Variants in SLC44A3 observed in about 807,000 individuals in gnomAD.
The protein encoded by SLC44A3 is solute carrier family 44 member 3.
Under a neutral mutation model 75.4 loss-of-function variants are expected in SLC44A3, and 74 were observed. That is an observed-to-expected ratio of 0.98 (90% CI 0.81 to 1.19). The LOEUF (loss-of-function observed/expected upper bound fraction) is 1.19. Among genes scored for constraint, SLC44A3 ranks in the 50% most tolerant of loss-of-function variants. SLC44A3 has a pLI of 0.00. For synonymous variants in SLC44A3, 310 were observed against 296.9 expected, an observed-to-expected ratio of 1.04 and a Z score of -0.45; for missense variants, 700 against 778.6, an observed-to-expected ratio of 0.90 and a Z score of 1.20.
At chr1:94,855,730 A>G (rs903166494) in intron 9 of SLC44A3, among the ~76,000 whole-genome samples, 1 of 152,200 alleles carries the variant, frequency 6.6e-6, no homozygotes, top group Non-Finnish European at 1.5e-5. Flanking sequence ...TCAGTTTTTG[A>G]TCTACAGCAC....
At position 94,827,294 on chromosome 1, in the gene SLC44A3, C is replaced by T. The variant is rs562407200; in HGVS notation, c.279-213C>T. ...CAACACTAAATCTGGAGAAATAAAGCTTTGTTAATGTTTTTGGATAGTTTC... is the reference window on the plus strand; with the variant it reads ...CAACACTAAATCTGGAGAAATAAAGTTTTGTTAATGTTTTTGGATAGTTTC... On this transcript the variant is annotated intron_variant, in intron 3 of 14. Coordinates refer to ENST00000271227, the MANE Select transcript of SLC44A3 (RefSeq NM_001114106.3). 11 of 590,736 alleles carry T rather than the reference C, an allele frequency of 1.9e-5. No homozygotes were observed. The East Asian group carries it at 3.2e-4, about 17-fold the overall frequency. 36.6% of individuals were successfully genotyped at this position (590,736 alleles called of 1,614,324 possible). A position where few individuals can be genotyped will look rare whatever the true frequency, so the allele number is the denominator to read the frequency against.
In SLC44A3 at chr1:94,895,094, A is replaced by G. The variant is rs756513057; in HGVS notation, c.*172A>G. 1.4e-4 allele frequency: 81 copies of G among 570,268 alleles called. No individual in the cohort carries two copies. Among genetic ancestry groups the G allele is most frequent in the Non-Finnish European group, 2.3e-4 (73 of 315,926 alleles). 35.3% of individuals were successfully genotyped at this position (570,268 alleles called of 1,614,324 possible). On this transcript the variant is annotated 3_prime_UTR_variant, in exon 15 of 15. Coordinates refer to ENST00000271227, the MANE Select transcript of SLC44A3 (RefSeq NM_001114106.3). Reference sequence around the variant, plus strand: ...TTGTTTGACCAGGTAACAATACTGGAACTATATTAGTTTACCTTTTTTTGT... The same window carrying G: ...TTGTTTGACCAGGTAACAATACTGGGACTATATTAGTTTACCTTTTTTTGT...
At chr1:94,882,179 C>T (rs1669081376) in intron 12 of SLC44A3, among the ~76,000 whole-genome samples, 1 of 152,140 alleles carries the variant, frequency 6.6e-6, no homozygotes. Context: ...GGTATTATCC[C>T]CATTGTACAA....
chr1:94,834,261 C>T (rs1243450854), intron 5 of SLC44A3, among the ~76,000 whole-genome samples: 3 of 152,080 alleles, frequency 2.0e-5, no homozygotes, highest in Non-Finnish European at 4.4e-5. Context: ...ATACCAGCTA[C>T]GTCTGGTATC....
chr1:94,895,067 T>C lies in SLC44A3; in HGVS notation c.*145T>C. ...TATTCTTCCTCATTGTCTTTGTCAT[T>C]ATTGTTTGACCAGGTAACAATACTG... On this transcript the variant is annotated 3_prime_UTR_variant, in exon 15 of 15. Coordinates refer to ENST00000271227, the MANE Select transcript of SLC44A3 (RefSeq NM_001114106.3). 2 of 615,496 alleles carry C rather than the reference T, an allele frequency of 3.2e-6. No individual in the cohort carries two copies. The highest frequency in any genetic ancestry group is 4.7e-5 in the South Asian group (2 of 42,564). 38.1% of individuals were successfully genotyped at this position (615,496 alleles called of 1,614,324 possible).
intron 9 of SLC44A3, among the ~76,000 whole-genome samples, chr1:94,853,979 C>A (rs1312011500): frequency 1.3e-5 from 2 of 151,618 alleles, no homozygotes; most frequent in Non-Finnish European, 2.9e-5. Flanking sequence ...GGAATTCTAT[C>A]TACCTATATC....
intron 9 of SLC44A3, among the ~76,000 whole-genome samples, chr1:94,850,362 G>C (rs1248454226): frequency 6.6e-6 from 1 of 152,194 alleles, no homozygotes; most frequent in Non-Finnish European, 1.5e-5. Context: ...AGGTTGGAAA[G>C]AGCTCAGATG....
intron 12 of SLC44A3, among the ~76,000 whole-genome samples, chr1:94,869,547 G>T (rs1340713632): frequency 1.3e-5 from 2 of 152,190 alleles, no homozygotes. Context: ...GAGGCCTAAG[G>T]TTCAGGAGAT....
At chr1:94,853,341 A>G (rs1415604135) in intron 9 of SLC44A3, among the ~76,000 whole-genome samples, 1 of 152,224 alleles carries the variant, frequency 6.6e-6, no homozygotes. Flanking sequence ...GAGGAAAAGA[A>G]TTGGAAAGAG....
chr1:94,848,010 T>C (rs537243727), intron 9 of SLC44A3, among the ~76,000 whole-genome samples: 148 of 152,172 alleles, frequency 9.7e-4, no homozygotes, highest in African/African-American at 3.3e-3. Context: ...GGGCGGATCA[T>C]GAGGTCATGA....
chr1:94,888,558 G>GCAA (rs1374664091), intron 12 of SLC44A3: 2 of 598,648 alleles, frequency 3.3e-6, no homozygotes, highest in Non-Finnish European at 4.2e-6. Flanking sequence ...CAGCTTTCCA[G>GCAA]CAACAGCTGG....
intron 10 of SLC44A3, among the ~76,000 whole-genome samples, chr1:94,864,034 C>A (rs989549954): frequency 6.6e-6 from 1 of 152,224 alleles, no homozygotes; most frequent in Non-Finnish European, 1.5e-5. Context: ...CATCAGCCCC[C>A]ACTCCTTTGT....
At chr1:94,894,754 G>A (rs1253601967) in intron 14 of SLC44A3, 64 bp from the exon 15 acceptor site, 7 of 1,362,900 alleles carry the variant, frequency 5.1e-6, no homozygotes, top group African/African-American at 2.9e-5. Flanking sequence ...GTTTTCCCTC[G>A]GCCCCTACGT....
chr1:94,836,527 T>C (rs1013033984), intron 5 of SLC44A3, among the ~76,000 whole-genome samples: 1 of 152,212 alleles, frequency 6.6e-6, no homozygotes, highest in Non-Finnish European at 1.5e-5. Flanking sequence ...TTCTGTCTCA[T>C]CCAGTTCACA....
chr1:94,852,633 T>G (rs1019039261), intron 9 of SLC44A3, among the ~76,000 whole-genome samples: 4 of 152,200 alleles, frequency 2.6e-5, no homozygotes, highest in African/African-American at 9.6e-5. Context: ...AATAAAATCT[T>G]GACCTGACTA....
At chr1:94,863,798 G>T (rs1666862656) in intron 10 of SLC44A3, among the ~76,000 whole-genome samples, 2 of 152,074 alleles carry the variant, frequency 1.3e-5, no homozygotes. Context: ...TGCAGCCATT[G>T]CCAACTCTTG....
At chr1:94,884,236 T>C (rs2101631723) in intron 12 of SLC44A3, among the ~76,000 whole-genome samples, 1 of 152,244 alleles carries the variant, frequency 6.6e-6, no homozygotes, top group South Asian at 2.1e-4. Flanking sequence ...CACCATCTCA[T>C]TGGATGTTTG....
intron 12 of SLC44A3, among the ~76,000 whole-genome samples, chr1:94,871,177 A>T (rs921476779): frequency 2.6e-5 from 4 of 152,240 alleles, no homozygotes; most frequent in African/African-American, 9.6e-5. Context: ...GCAAAGCCAG[A>T]GTCCAGACAA....
intron 9 of SLC44A3, among the ~76,000 whole-genome samples, chr1:94,852,590 A>C (rs1009004676): frequency 6.6e-6 from 1 of 152,208 alleles, no homozygotes; most frequent in Admixed American, 6.5e-5. Flanking sequence ...TCTAACCTGA[A>C]TTGGGAAGAA....
Sources: allele counts gnomAD v4.1 joint callset (sites outside exome capture counted in the v4.1 genomes callset), GRCh38; gene constraint gnomAD v4.1.1; transcripts MANE v1.5; gene names NCBI Gene and HGNC (gene_info 2026-07-23, HGNC 2026-07-21).